GRM1: variants seen among roughly 807,000 people sequenced by gnomAD.
The protein encoded by GRM1 is metabotropic glutamate receptor 1.
GRM1 carries 33 observed loss-of-function variants against 90.9 expected under a neutral mutation model. The observed-to-expected ratio is 0.36, with a 90% CI of 0.28 to 0.49. The LOEUF (loss-of-function observed/expected upper bound fraction) is 0.49. GRM1 is among the 20% of genes least tolerant of loss of function. GRM1 has a pLI of 0.99. For missense variants in GRM1, 1,190 were observed against 1,534.3 expected, an observed-to-expected ratio of 0.78 and a Z score of 3.75; for synonymous variants, 700 against 613.2, an observed-to-expected ratio of 1.14 and a Z score of -2.09.
chr6:146,163,735 G>T (rs548689500), intron 2 of GRM1, among the ~76,000 whole-genome samples: 1 of 152,100 alleles, frequency 6.6e-6, no homozygotes, highest in Non-Finnish European at 1.5e-5. Flanking sequence ...TTTATTTCAC[G>T]GTTTAGAGTC....
chr6:146,138,870 CG>C (rs1403194953), intron 1 of GRM1, among the ~76,000 whole-genome samples: 2 of 150,752 alleles, frequency 1.3e-5, no homozygotes, highest in Non-Finnish European at 1.5e-5. Flanking sequence ...TACTAATTTG[CG>C]GTTTGATTTG....
intron 1 of GRM1, among the ~76,000 whole-genome samples, chr6:146,083,763 G>T (rs947243343): frequency 6.6e-6 from 1 of 152,178 alleles, no homozygotes; most frequent in Non-Finnish European, 1.5e-5. Flanking sequence ...GAGTTAGGGA[G>T]GAGTCCCTCC....
intron 1 of GRM1, among the ~76,000 whole-genome samples, chr6:146,050,750 C>A (rs1024904516): frequency 1.3e-5 from 2 of 152,058 alleles, no homozygotes; most frequent in African/African-American, 4.8e-5. Context: ...CAGAAGCCAG[C>A]CTCTCTTACT....
intron 3 of GRM1, among the ~76,000 whole-genome samples, chr6:146,348,013 A>C (rs928236825): frequency 6.6e-6 from 1 of 152,250 alleles, no homozygotes; most frequent in Non-Finnish European, 1.5e-5. Context: ...TTCTTTTGAA[A>C]GTAAATAAAC....
chr6:146,320,583 T>C (rs555064551), intron 3 of GRM1, among the ~76,000 whole-genome samples: 1 of 152,068 alleles, frequency 6.6e-6, no homozygotes, highest in South Asian at 2.1e-4. Flanking sequence ...TGGCTGTGAG[T>C]CTGTCTGGTC....
At chr6:146,403,411 C>T (rs544489166) in intron 7 of GRM1, among the ~76,000 whole-genome samples, 4 of 152,046 alleles carry the variant, frequency 2.6e-5, no homozygotes, top group Non-Finnish European at 5.9e-5. Flanking sequence ...AAAACAATTA[C>T]AACCTTTCCT....
chr6:146,423,377 A>C (rs952488941), intron 7 of GRM1, among the ~76,000 whole-genome samples: 2 of 152,194 alleles, frequency 1.3e-5, no homozygotes, highest in African/African-American at 4.8e-5. Flanking sequence ...CATAAAAGCA[A>C]GGTCTGTATG....
chr6:146,185,577 A>T (rs968087392), intron 2 of GRM1, among the ~76,000 whole-genome samples: 1 of 152,220 alleles, frequency 6.6e-6, no homozygotes, highest in African/African-American at 2.4e-5. Context: ...CTTTCTGCTT[A>T]CAGATGACTG....
At chr6:146,079,798 G>T (rs1225597939) in intron 1 of GRM1, among the ~76,000 whole-genome samples, 1 of 152,220 alleles carries the variant, frequency 6.6e-6, no homozygotes, top group Non-Finnish European at 1.5e-5. Flanking sequence ...GTTTCATAAA[G>T]CCAGGCGTTG....
At chr6:146,307,556 T>C (rs1783622692) in intron 3 of GRM1, among the ~76,000 whole-genome samples, 1 of 152,196 alleles carries the variant, frequency 6.6e-6, no homozygotes, top group Non-Finnish European at 1.5e-5. Context: ...AAACTTTCAC[T>C]TCATGTATTA....
chr6:146,325,085 T>C (rs1784357698), intron 3 of GRM1, among the ~76,000 whole-genome samples: 1 of 152,170 alleles, frequency 6.6e-6, no homozygotes, highest in Non-Finnish European at 1.5e-5. Context: ...TTGGAAGAGC[T>C]TGTCAACAAA....
intron 2 of GRM1, among the ~76,000 whole-genome samples, chr6:146,194,643 T>C (rs1427666605): frequency 6.6e-6 from 1 of 152,172 alleles, no homozygotes; most frequent in East Asian, 1.9e-4. Context: ...GACACCCAGT[T>C]GCAGACACAA....
intron 1 of GRM1, among the ~76,000 whole-genome samples, chr6:146,147,037 CA>C (rs1245888105): frequency 6.6e-6 from 1 of 152,120 alleles, no homozygotes; most frequent in East Asian, 1.9e-4. Flanking sequence ...CTGACTTTTT[CA>C]AAAATTTCCC....
intron 2 of GRM1, among the ~76,000 whole-genome samples, chr6:146,271,464 G>A (rs1051680780): frequency 6.6e-6 from 1 of 152,156 alleles, no homozygotes; most frequent in Non-Finnish European, 1.5e-5. Flanking sequence ...GACAGAGGAG[G>A]AGGCTGTGGA....
At chr6:146,036,294 A>T (rs79344609) in intron 1 of GRM1, among the ~76,000 whole-genome samples, 2 of 151,944 alleles carry the variant, frequency 1.3e-5, no homozygotes, top group African/African-American at 2.4e-5. Context: ...CACTAAAAAA[A>T]CTCATGGCAC....
At chr6:146,061,040 C>T (rs533690892) in intron 1 of GRM1, among the ~76,000 whole-genome samples, 1 of 152,050 alleles carries the variant, frequency 6.6e-6, no homozygotes, top group Non-Finnish European at 1.5e-5. Context: ...ATTATTGTGT[C>T]TCAGTGAAAG....
At chr6:146,089,968 T>C (rs1776664153) in intron 1 of GRM1, among the ~76,000 whole-genome samples, 1 of 152,048 alleles carries the variant, frequency 6.6e-6, no homozygotes, top group South Asian at 2.1e-4. Flanking sequence ...CTATTTTTTA[T>C]GTCTTTTTTT....
intron 1 of GRM1, among the ~76,000 whole-genome samples, chr6:146,082,224 C>T (rs781023828): frequency 5.3e-5 from 8 of 152,090 alleles, no homozygotes; most frequent in Non-Finnish European, 8.8e-5. Flanking sequence ...GGTGCAACCT[C>T]GGCTCACTGC....
chr6:146,428,957 C>T (rs946289075), intron 7 of GRM1, among the ~76,000 whole-genome samples: 1 of 152,046 alleles, frequency 6.6e-6, no homozygotes, highest in Admixed American at 6.6e-5. Flanking sequence ...AATTTTATTT[C>T]TGAATGTCTT....
Sources: gnomAD v4.1 joint callset for allele counts (sites outside exome capture counted in the v4.1 genomes callset) on GRCh38, gnomAD v4.1.1 for gene constraint, MANE v1.5 for transcripts, NCBI Gene and HGNC (gene_info 2026-07-23, HGNC 2026-07-21) for gene names.